WASF2: variants seen among roughly 807,000 people sequenced by gnomAD.
WASF2 encodes the protein actin-binding protein WASF2.
WASF2 carries 14 observed loss-of-function variants against 45.0 expected under a neutral mutation model. That is an observed-to-expected ratio of 0.31 (90% CI 0.21 to 0.49). The LOEUF is 0.49. Among genes scored for constraint, WASF2 ranks in the 20% least tolerant of loss-of-function variants. WASF2 has a pLI of 0.99. For synonymous variants in WASF2, 200 were observed against 236.3 expected (o/e 0.85, Z 1.41); for missense variants, 439 against 636.1 (o/e 0.69, Z 3.33).
intron 2 of WASF2, among the ~76,000 whole-genome samples, chr1:27,423,112 G>A (rs2016930877): frequency 7.1e-6 from 1 of 141,352 alleles, no homozygotes; most frequent in Non-Finnish European, 1.5e-5. Flanking sequence ...CTTCACTTCA[G>A]CCTGGGCAAC....
intron 1 of WASF2, among the ~76,000 whole-genome samples, chr1:27,472,324 C>CAAA (rs201360272): frequency 1.2e-5 from 1 of 81,510 alleles, no homozygotes; most frequent in African/African-American, 4.2e-5. Context: ...GACGCCAACT[C>CAAA]AAAAAAAAAA....
chr1:27,448,969 C>T (rs1254142499), intron 1 of WASF2, among the ~76,000 whole-genome samples: 1 of 152,018 alleles, frequency 6.6e-6, no homozygotes, highest in African/African-American at 2.4e-5. Context: ...TCACACCCCA[C>T]TGTACCATGT....
chr1:27,487,668 T>TA (rs2017962096), intron 1 of WASF2, among the ~76,000 whole-genome samples: 1 of 107,218 alleles, frequency 9.3e-6, no homozygotes, highest in South Asian at 2.4e-4. Context: ...ATATATATTA[T>TA]ATATATTTTA....
chr1:27,428,628 G>C (rs2017018737), intron 2 of WASF2, 133 bp downstream of exon 2: 1 of 1,348,688 alleles, frequency 7.4e-7, no homozygotes, highest in Non-Finnish European at 1.0e-6. Flanking sequence ...TTGGGGAGGA[G>C]AGGGAGGATA....
intron 7 of WASF2, among the ~76,000 whole-genome samples, chr1:27,411,105 A>G (rs930401804): frequency 6.6e-6 from 1 of 152,198 alleles, no homozygotes; most frequent in Non-Finnish European, 1.5e-5. Context: ...TTTGGGATTA[A>G]TGGTTTCTAG....
At chr1:27,450,341 A>G (rs116458366) in intron 1 of WASF2, among the ~76,000 whole-genome samples, 4,267 of 152,220 alleles carry the variant, frequency 0.028, 198 homozygotes, top group African/African-American at 0.096. Flanking sequence ...CACATGTCCA[A>G]AGAAATACAG....
At chr1:27,438,007 A>T (rs1417282657) in intron 1 of WASF2, among the ~76,000 whole-genome samples, 2 of 152,224 alleles carry the variant, frequency 1.3e-5, no homozygotes, top group African/African-American at 4.8e-5. Context: ...TATTTAAACG[A>T]TTCTTTTTAA....
Position 27,448,388 on chromosome 1 carries a change from T to C in WASF2, c.-43-19455A>G, listed in dbSNP as rs548825310. 2.0e-5 allele frequency among the ~76,000 whole-genome samples: 3 copies of C among 152,278 alleles called. No individual in the cohort carries two copies. The East Asian group carries it at 5.8e-4, about 29-fold the overall frequency. On this transcript the variant is annotated intron_variant, in intron 1 of 8. Transcript: ENST00000618852. ...AGATCGTACTCAAAGCAGAATCACCTGAAGAATAAAGAGAGTTCCAAATTT... is the reference window on the plus strand; with the variant it reads ...AGATCGTACTCAAAGCAGAATCACCCGAAGAATAAAGAGAGTTCCAAATTT...
intron 1 of WASF2, among the ~76,000 whole-genome samples, chr1:27,432,370 C>T (rs1017648074): frequency 6.6e-6 from 1 of 151,920 alleles, no homozygotes; most frequent in Non-Finnish European, 1.5e-5. Flanking sequence ...AGTTATAGGC[C>T]GGGCGCGGTG....
chr1:27,443,156 CCT>C (rs1264929524), intron 1 of WASF2, among the ~76,000 whole-genome samples: 1 of 150,298 alleles, frequency 6.7e-6, no homozygotes, highest in African/African-American at 2.5e-5. Context: ...ACAGTGAGAC[CCT>C]GTTTCTAAAT....
intron 1 of WASF2, chr1:27,457,246 G>T (rs2017481848): frequency 6.6e-6 from 1 of 152,028 alleles, no homozygotes; most frequent in Non-Finnish European, 1.5e-5. Flanking sequence ...CCATTTTTAT[G>T]TAAGTCCTCA....
At chr1:27,464,885 C>T (rs1032536714) in intron 1 of WASF2, among the ~76,000 whole-genome samples, 7 of 152,168 alleles carry the variant, frequency 4.6e-5, no homozygotes, top group East Asian at 1.9e-4. Context: ...CGTGCCACCA[C>T]GCCCGGCTAA....
intron 1 of WASF2, among the ~76,000 whole-genome samples, chr1:27,441,708 T>G (rs575730494): frequency 9.5e-5 from 12 of 125,800 alleles, no homozygotes; most frequent in African/African-American, 3.8e-4. Flanking sequence ...GAGCCGAGAT[T>G]GCGCCACTGC....
At chr1:27,421,811 A>G (rs879355851) in intron 2 of WASF2, among the ~76,000 whole-genome samples, 2 of 151,552 alleles carry the variant, frequency 1.3e-5, no homozygotes, top group African/African-American at 4.9e-5. Flanking sequence ...GCGAGACTCC[A>G]TCTCAAAAAA....
Position 27,409,026 on chromosome 1 carries a change from C to A in WASF2, c.1339+666G>T, listed in dbSNP as rs989337531. ...TTTTTTTCGAAGGCACAAAACCCTTCGGAGAAACTGATGAAAAATGGGGAT... is the reference window on the plus strand; with the variant it reads ...TTTTTTTCGAAGGCACAAAACCCTTAGGAGAAACTGATGAAAAATGGGGAT... On this transcript the variant is annotated intron_variant, in intron 8 of 8. Transcript: ENST00000618852. Among the ~76,000 whole-genome samples the A allele has an allele frequency of 3.3e-5, 5 of 151,460 alleles. No homozygotes were observed. In the East Asian group the frequency reaches 5.8e-4, roughly 18 times the overall value.
chr1:27,469,597 T>C (rs1004727933), intron 1 of WASF2, among the ~76,000 whole-genome samples: 2 of 152,156 alleles, frequency 1.3e-5, no homozygotes, highest in Non-Finnish European at 2.9e-5. Flanking sequence ...TTCAGGACTT[T>C]AGTCATATAG....
chr1:27,422,311 G>GCA (rs1343565704), intron 2 of WASF2, among the ~76,000 whole-genome samples: 1 of 152,136 alleles, frequency 6.6e-6, no homozygotes, highest in Non-Finnish European at 1.5e-5. Flanking sequence ...CATGGAAGGA[G>GCA]CAGTTGACTT....
intron 1 of WASF2, among the ~76,000 whole-genome samples, chr1:27,437,000 G>A (rs183340123): frequency 8.9e-4 from 135 of 152,270 alleles, no homozygotes; most frequent in Admixed American, 3.8e-3. Flanking sequence ...AGTAGCTGAG[G>A]AAACAGAACT....
At chr1:27,428,324 T>C (rs2017015080) in intron 2 of WASF2, among the ~76,000 whole-genome samples, 1 of 152,076 alleles carries the variant, frequency 6.6e-6, no homozygotes, top group African/African-American at 2.4e-5. Flanking sequence ...GGGTGTTGGG[T>C]AGATAAAAAC....
Sources: gnomAD v4.1 joint callset for allele counts (sites outside exome capture counted in the v4.1 genomes callset) on GRCh38, gnomAD v4.1.1 for gene constraint, MANE v1.5 for transcripts, NCBI Gene and HGNC (gene_info 2026-07-23, HGNC 2026-07-21) for gene names.